SLC41A3: variants seen among roughly 807,000 people sequenced by gnomAD.
The protein encoded by SLC41A3 is SLC41A1-like 2.
In SLC41A3, 44 loss-of-function variants were observed where a neutral mutation model predicts 45.4. The observed-to-expected ratio is 0.97, with a 90% confidence interval of 0.76 to 1.25. The LOEUF (loss-of-function observed/expected upper bound fraction) is 1.25. SLC41A3 is among the 50% of genes most tolerant of loss of function. SLC41A3 has a pLI of 0.00. For synonymous variants in SLC41A3, 256 were observed against 252.4 expected (o/e 1.01, Z -0.13); for missense variants, 550 against 600.6 (o/e 0.92, Z 0.88).
intron 1 of SLC41A3, chr3:126,092,531 T>C (rs1318626340): frequency 6.6e-6 from 1 of 152,294 alleles, no homozygotes; most frequent in Non-Finnish European, 1.5e-5. Context: ...CACACCTCTA[T>C]ATTTGTGTGT....
At chr3:126,056,893 C>T (rs748175332) in intron 2 of SLC41A3, 41 of 1,136,170 alleles carry the variant, frequency 3.6e-5, no homozygotes, top group Non-Finnish European at 4.2e-5. Flanking sequence ...GGCTCATGGT[C>T]CCTCTGCACC....
chr3:126,013,880 C>G (rs1939984911), intron 8 of SLC41A3, among the ~76,000 whole-genome samples: 2 of 152,068 alleles, frequency 1.3e-5, no homozygotes, highest in Non-Finnish European at 2.9e-5. Context: ...AACACAGAAC[C>G]CTAGAGGCAG....
intron 3 of SLC41A3, 144 bp from the exon 4 acceptor site, chr3:126,033,822 C>T (rs1480877617): frequency 3.7e-6 from 3 of 807,276 alleles, no homozygotes; most frequent in Non-Finnish European, 5.9e-6. Flanking sequence ...GCTCAGCTCT[C>T]CAAACAGCGA....
chr3:126,087,315 A>C (rs1344558252), upstream of SLC41A3, among the ~76,000 whole-genome samples: 1 of 152,128 alleles, frequency 6.6e-6, no homozygotes, highest in Non-Finnish European at 1.5e-5. Flanking sequence ...CAGGGAAATA[A>C]CTTCAATAAT....
intron 9 of SLC41A3, 94 bp downstream of exon 9, chr3:126,012,521 G>C (rs1939822541): frequency 6.6e-7 from 1 of 1,525,498 alleles, no homozygotes; most frequent in Non-Finnish European, 9.0e-7. Flanking sequence ...CTGGCTTCAG[G>C]CATCCATTGC....
chr3:126,050,225 C>T (rs1375693759), intron 3 of SLC41A3, among the ~76,000 whole-genome samples: 2 of 152,188 alleles, frequency 1.3e-5, no homozygotes, highest in East Asian at 3.9e-4. Flanking sequence ...CAGCCCCCTG[C>T]CCCCACCCCA....
chr3:126,035,686 A>T (rs1942137582), intron 3 of SLC41A3, among the ~76,000 whole-genome samples: 1 of 152,256 alleles, frequency 6.6e-6, no homozygotes, highest in Non-Finnish European at 1.5e-5. Context: ...GTGGAGAAGA[A>T]GAGCCTGGCT....
rs60317078 is a variant in SLC41A3 at position 126,060,439 on chromosome 3, T to TACACACACACAC, written c.273+7496_273+7507dup. On this transcript the variant is annotated intron_variant, in intron 2 of 10. Coordinates refer to ENST00000360370, the MANE Select transcript of SLC41A3 (RefSeq NM_017836.4). ...TGTCTCAAAAAAAAAGTGAGAAGGA[T>TACACACACACAC]ACACACACACACACACACACACGTG... is the stretch of plus-strand genomic sequence containing the variant. Among the ~76,000 whole-genome samples the TACACACACACAC allele has an allele frequency of 9.4e-3, 1,381 of 146,400 alleles. 16 individuals are homozygous for TACACACACACAC. Among genetic ancestry groups the TACACACACACAC allele is most frequent in the East Asian group, 0.063 (309 of 4,928 alleles).
At chr3:126,039,940 C>A (rs1302458312) in intron 3 of SLC41A3, among the ~76,000 whole-genome samples, 1 of 152,232 alleles carries the variant, frequency 6.6e-6, no homozygotes, top group Non-Finnish European at 1.5e-5. Context: ...AGTACACCCA[C>A]TGCCCAGATC....
chr3:126,078,376 G>T (rs2034067862), intron 1 of SLC41A3, among the ~76,000 whole-genome samples: 1 of 152,172 alleles, frequency 6.6e-6, no homozygotes, highest in African/African-American at 2.4e-5. Context: ...GAGACAGCTA[G>T]TGGAGAAGAA....
intron 1 of SLC41A3, among the ~76,000 whole-genome samples, chr3:126,090,422 G>A (rs570313372): frequency 3.9e-5 from 6 of 152,314 alleles, no homozygotes; most frequent in Non-Finnish European, 8.8e-5. Flanking sequence ...AAGGAAAAGT[G>A]TAACACTTGG....
intron 3 of SLC41A3, among the ~76,000 whole-genome samples, chr3:126,044,890 C>T (rs1455661905): frequency 4.5e-5 from 2 of 44,094 alleles, no homozygotes; most frequent in Non-Finnish European, 8.8e-5. Context: ...AGCGAGACTC[C>T]ATCTCAAAAA....
In SLC41A3 at chr3:126,008,736, A is replaced by G. The variant is rs1275927358; in HGVS notation, c.1250T>C (p.Ile417Thr). 3 of 1,613,866 alleles carry G rather than the reference A, an allele frequency of 1.9e-6. No individual in the cohort carries two copies. Among genetic ancestry groups the G allele is most frequent in the East Asian group, 2.2e-5 (1 of 44,874 alleles). The change falls in exon 10 of 11, where the codon ATC (isoleucine) becomes ACC (threonine). Residue 417 changes from isoleucine to threonine, a missense_variant. Transcript: ENST00000360370. ...FVVLYLLAGLIQVTILLYLAE... is the reference protein window; with the variant it reads ...FVVLYLLAGLTQVTILLYLAE... ...AATTGCTGCAGCCAGGCTTACCTGG[A>G]TCAGGCCTGCCAGCAGGTAGAGCAC...
At chr3:126,053,153 A>G (rs148939289) in intron 2 of SLC41A3, among the ~76,000 whole-genome samples, 1 of 152,320 alleles carries the variant, frequency 6.6e-6, no homozygotes, top group African/African-American at 2.4e-5. Flanking sequence ...CATGCCTAGT[A>G]CCAAAACATG....
chr3:126,097,336 C>A (rs1945623769), intron 1 of SLC41A3, among the ~76,000 whole-genome samples: 1 of 152,160 alleles, frequency 6.6e-6, no homozygotes, highest in Non-Finnish European at 1.5e-5. Flanking sequence ...TCCCTGGGGC[C>A]TGCATTCAAT....
At chr3:126,073,724 C>CA (rs1944741773) in intron 1 of SLC41A3, among the ~76,000 whole-genome samples, 1 of 151,812 alleles carries the variant, frequency 6.6e-6, no homozygotes, top group African/African-American at 2.4e-5. Context: ...AATTAGTAAT[C>CA]AAAAAACTTC....
At chr3:126,069,159 G>A (rs1348523036) in intron 1 of SLC41A3, among the ~76,000 whole-genome samples, 1 of 151,760 alleles carries the variant, frequency 6.6e-6, no homozygotes, top group Non-Finnish European at 1.5e-5. Context: ...GCCACCAATG[G>A]ATAGTGCCAC....
chr3:126,082,276 C>T (rs59132430), intron 1 of SLC41A3, among the ~76,000 whole-genome samples: 3 of 152,198 alleles, frequency 2.0e-5, no homozygotes, highest in Admixed American at 6.5e-5. Context: ...AATCCCAGAG[C>T]CCCAGGGAGG....
chr3:126,090,750 C>T (rs1380854851), intron 1 of SLC41A3, among the ~76,000 whole-genome samples: 1 of 152,194 alleles, frequency 6.6e-6, no homozygotes, highest in African/African-American at 2.4e-5. Context: ...TGCTCTGCTG[C>T]TGAAACTATA....
Sources: allele counts gnomAD v4.1 joint callset (sites outside exome capture counted in the v4.1 genomes callset), GRCh38; gene constraint gnomAD v4.1.1; transcripts MANE v1.5; gene names NCBI Gene and HGNC (gene_info 2026-07-23, HGNC 2026-07-21).